Variants in RPAP2 observed in about 807,000 individuals in gnomAD.
The protein encoded by RPAP2 is putative RNA polymerase II subunit B1 CTD phosphatase RPAP2.
In RPAP2, 52 loss-of-function variants were observed where a neutral mutation model predicts 73.1. The observed-to-expected ratio is 0.71, with a 90% CI of 0.57 to 0.90. The LOEUF is 0.90. RPAP2 is among the 40% of genes least tolerant of loss of function. RPAP2 has a pLI of 0.00. For missense variants in RPAP2, 598 were observed against 701.8 expected, an observed-to-expected ratio of 0.85 and a Z score of 1.67; for synonymous variants, 225 against 242.1, an observed-to-expected ratio of 0.93 and a Z score of 0.65.
At chr1:92,305,494 AAAATAAGATGG>A (rs1651167061) in intron 5 of RPAP2, among the ~76,000 whole-genome samples, 2 of 150,480 alleles carry the variant, frequency 1.3e-5, no homozygotes, top group South Asian at 2.1e-4. Flanking sequence ...GAGACTTCAT[AAAATAAGATGG>A]AAAATTATAG....
intron 11 of RPAP2, among the ~76,000 whole-genome samples, chr1:92,353,616 A>C (rs565024419): frequency 2.6e-5 from 4 of 152,292 alleles, no homozygotes; most frequent in African/African-American, 9.6e-5. Context: ...AGTATCCATA[A>C]AATTCATTTT....
At chr1:92,311,984 G>A (rs1249026355) in intron 6 of RPAP2, among the ~76,000 whole-genome samples, 1 of 152,172 alleles carries the variant, frequency 6.6e-6, no homozygotes, top group East Asian at 1.9e-4. Context: ...CTATAGGTTG[G>A]GATGGCTGTG....
intron 8 of RPAP2, among the ~76,000 whole-genome samples, chr1:92,328,342 G>A (rs990106033): frequency 2.6e-5 from 4 of 152,126 alleles, no homozygotes; most frequent in Non-Finnish European, 5.9e-5. Context: ...TGGAGCCTTT[G>A]TTCATTTTTT....
rs768018165 is a variant in RPAP2 at position 92,333,462 on chromosome 1, G to T, written c.1527G>T (p.Lys509Asn). The T allele has an allele frequency of 2.5e-6, 4 of 1,611,524 alleles. No homozygotes were observed. Among genetic ancestry groups the T allele is most frequent in the Non-Finnish European group, 3.4e-6 (4 of 1,177,938 alleles). Residue 509 changes from lysine to asparagine, a missense_variant, in exon 9 of 13, where the codon AAG (lysine) becomes AAT (asparagine). By Grantham distance (94) the Lys-to-Asn change is moderately conservative. Coordinates refer to ENST00000610020, the MANE Select transcript of RPAP2 (RefSeq NM_024813.3). ...TTAGAAAACGCATCGTACTTGAAAA[G>T]TTGAGTAAAGTGTAAGTATGTAATT... The part of the protein sequence containing the change: ...NQIRKRIVLE[K>N]LSKVLPGLLV...
chr1:92,330,975 A>G (rs1652929510), intron 8 of RPAP2, among the ~76,000 whole-genome samples: 1 of 152,132 alleles, frequency 6.6e-6, no homozygotes, highest in Admixed American at 6.6e-5. Flanking sequence ...GCACATTAAC[A>G]TTTGAGAAGC....
chr1:92,312,926 C>T (rs903362616), intron 6 of RPAP2, among the ~76,000 whole-genome samples: 2 of 151,982 alleles, frequency 1.3e-5, no homozygotes, highest in South Asian at 2.1e-4. Context: ...AGTTCAGTGG[C>T]GAAATCTCAG....
At chr1:92,306,748 AG>A (rs1330492987) in intron 5 of RPAP2, among the ~76,000 whole-genome samples, 2 of 152,188 alleles carry the variant, frequency 1.3e-5, no homozygotes, top group African/African-American at 4.8e-5. Context: ...CTGAAACCAG[AG>A]GATTACTTGA....
intron 7 of RPAP2, among the ~76,000 whole-genome samples, chr1:92,323,044 T>A (rs968330737): frequency 4.8e-5 from 7 of 145,344 alleles, no homozygotes; most frequent in Non-Finnish European, 9.1e-5. Context: ...TTATATATCT[T>A]TATATTTATA....
rs1557628974 is a variant in RPAP2 at position 92,371,318 on chromosome 1, A to AT, written c.1689-9406_1689-9405insT. On this transcript the variant is annotated intron_variant, in intron 11 of 12. Coordinates refer to ENST00000610020, the MANE Select transcript of RPAP2 (RefSeq NM_024813.3). ...AGTCTCTGTCTCAAAAAAAAAAAAA[A>AT]AATATATATATATATATATACCTAC... Among the ~76,000 whole-genome samples the AT allele has an allele frequency of 6.5e-3, 243 of 37,608 alleles. 1 individual carries two copies. The Middle Eastern group carries it at 0.1, about 16-fold the overall frequency. 24.7% of individuals were successfully genotyped at this position (37,608 alleles called of 152,430 possible).
At chr1:92,348,420 G>T (rs1033552685) in intron 11 of RPAP2, among the ~76,000 whole-genome samples, 1 of 152,004 alleles carries the variant, frequency 6.6e-6, no homozygotes, top group African/African-American at 2.4e-5. Flanking sequence ...TGTTTCCTAG[G>T]TTTTTGCCTT....
intron 8 of RPAP2, among the ~76,000 whole-genome samples, chr1:92,331,536 C>A (rs75441495): frequency 0.014 from 2,117 of 152,210 alleles, 49 homozygotes; most frequent in African/African-American, 0.047. Flanking sequence ...AAACCTGAAT[C>A]TTTGTCTTAT....
chr1:92,302,055 C>T lies in RPAP2; in HGVS notation c.234+465C>T, dbSNP rs1474624279. Reference sequence around the variant, plus strand: ...CAGCACTTTGGGAGGCTAAGGCAGGCGGATCACTTGAGGTCAGGAGTTCGA... The same window carrying T: ...CAGCACTTTGGGAGGCTAAGGCAGGTGGATCACTTGAGGTCAGGAGTTCGA... On this transcript the variant is annotated intron_variant, in intron 3 of 12. Coordinates refer to ENST00000610020, the MANE Select transcript of RPAP2 (RefSeq NM_024813.3). Among the ~76,000 whole-genome samples the T allele has an allele frequency of 2.0e-5, 3 of 151,984 alleles. No individual in the cohort carries two copies. The South Asian group carries it at 6.2e-4, about 32-fold the overall frequency.
chr1:92,357,391 G>A (rs932714803), intron 11 of RPAP2, among the ~76,000 whole-genome samples: 2 of 152,164 alleles, frequency 1.3e-5, no homozygotes, highest in African/African-American at 4.8e-5. Flanking sequence ...TGTTTGGGGG[G>A]CCATACAAAG....
At position 92,398,288 on chromosome 1, in the gene RPAP2, A is replaced by G. The variant is rs1188467385; in HGVS notation, c.*11277A>G. On this transcript the variant is annotated 3_prime_UTR_variant, in exon 13 of 13. Transcript: ENST00000610020. Reference sequence around the variant, plus strand: ...ATGCCTGTACCAAAATATTTCATGTAACCCATAAATATATACATCTACTAT... The same window carrying G: ...ATGCCTGTACCAAAATATTTCATGTGACCCATAAATATATACATCTACTAT... 2 of 152,238 alleles carry G rather than the reference A, an allele frequency of 1.3e-5. No homozygotes were observed. Among genetic ancestry groups the G allele is most frequent in the African/African-American group, 4.8e-5 (2 of 41,458 alleles). The allele number at this position is 152,238 out of a possible 1,614,324, so 9.4% of individuals were successfully genotyped here.
At chr1:92,303,560 T>C (rs955168687) in intron 3 of RPAP2, among the ~76,000 whole-genome samples, 1 of 152,176 alleles carries the variant, frequency 6.6e-6, no homozygotes, top group Non-Finnish European at 1.5e-5. Context: ...TTTTAAAGAT[T>C]ATGCTTTAAA....
chr1:92,340,790 A>G (rs1571089876), intron 10 of RPAP2, among the ~76,000 whole-genome samples: 1 of 152,290 alleles, frequency 6.6e-6, no homozygotes, highest in African/African-American at 2.4e-5. Context: ...CAAATCTGCT[A>G]TCTAGAATGT....
rs1655898349 is a variant in RPAP2 at position 92,387,173 on chromosome 1, A to G, written c.*162A>G. On this transcript the variant is annotated 3_prime_UTR_variant, in exon 13 of 13. Coordinates refer to ENST00000610020, the MANE Select transcript of RPAP2 (RefSeq NM_024813.3). The stretch of plus-strand genomic sequence containing the variant: ...CCATCTCCCAGTCCTTCAGTCCCCA[A>G]CTGCAGAGGATGACCTCCCCAGATA... 1.2e-5 allele frequency: 7 copies of G among 563,998 alleles called. No homozygotes were observed. Among genetic ancestry groups the G allele is most frequent in the Admixed American group, 6.7e-5 (2 of 29,766 alleles). The allele number at this position is 563,998 out of a possible 1,614,324, so 34.9% of individuals were successfully genotyped here.
At position 92,401,261 on chromosome 1, in the gene RPAP2, T is replaced by C. The variant is rs1162810321; in HGVS notation, c.*14250T>C. On this transcript the variant is annotated 3_prime_UTR_variant, in exon 13 of 13. Transcript: ENST00000610020. ...CTCACTTCTGTAAAGATCAATTCAATAAAAGCAGCAAACACACATACTTTG... is the reference window on the plus strand; with the variant it reads ...CTCACTTCTGTAAAGATCAATTCAACAAAAGCAGCAAACACACATACTTTG... 6.6e-6 allele frequency: 1 copy of C among 152,222 alleles called. No individual in the cohort carries two copies. Among genetic ancestry groups the C allele is most frequent in the East Asian group, 1.9e-4 (1 of 5,198 alleles). 9.4% of individuals were successfully genotyped at this position (152,222 alleles called of 1,614,324 possible).
intron 9 of RPAP2, among the ~76,000 whole-genome samples, chr1:92,334,547 A>G (rs1258373928): frequency 6.6e-6 from 1 of 152,084 alleles, no homozygotes; most frequent in Non-Finnish European, 1.5e-5. Context: ...AAATATTACT[A>G]CAAAATAAGA....
Sources: allele counts gnomAD v4.1 joint callset (sites outside exome capture counted in the v4.1 genomes callset), GRCh38; gene constraint gnomAD v4.1.1; transcripts MANE v1.5; gene names NCBI Gene and HGNC (gene_info 2026-07-23, HGNC 2026-07-21).